PMEPA1: variants seen among roughly 807,000 people sequenced by gnomAD.
PMEPA1 encodes protein TMEPAI.
PMEPA1 carries 11 observed loss-of-function variants against 23.0 expected under a neutral mutation model. That is an observed-to-expected ratio of 0.48 (90% CI 0.30 to 0.79). The LOEUF is 0.79. Ranked by LOEUF, PMEPA1 falls within the 30% of genes least tolerant of loss-of-function variation. The probability of loss-of-function intolerance (pLI) is 0.06; values close to 1 mark genes in which losing one functional copy is unlikely to be tolerated. For missense variants in PMEPA1, 377 were observed against 390.9 expected (o/e 0.96, Z 0.30); for synonymous variants, 204 against 166.4 (o/e 1.23, Z -1.74).
chr20:57,683,299 C>T lies in PMEPA1; in HGVS notation c.110-23602G>A, dbSNP rs2071745609. On this transcript the variant is annotated intron_variant, in intron 1 of 3. Transcript: ENST00000341744. This position sits in a 1 kb window ranked among gnomAD's most constrained non-coding sequence, Gnocchi z 4.3. ...AGAGAGGCCAGTTTTTGGAGGGAAA[C>T]ATCAATACTGTTGCCATTCAGTTCT... Among the ~76,000 whole-genome samples the T allele has an allele frequency of 6.6e-6, 1 of 152,218 alleles. No homozygotes were observed. Among genetic ancestry groups the T allele is most frequent in the Non-Finnish European group, 1.5e-5 (1 of 68,042 alleles).
intron 1 of PMEPA1, among the ~76,000 whole-genome samples, chr20:57,700,955 G>A (rs927494198): frequency 5.9e-5 from 9 of 151,938 alleles, no homozygotes; most frequent in African/African-American, 7.3e-5. Context: ...ACTTGAACCC[G>A]GGAGGTAGAG....
At chr20:57,667,865 GC>G (rs2071516559) in intron 1 of PMEPA1, among the ~76,000 whole-genome samples, 1 of 151,206 alleles carries the variant, frequency 6.6e-6, no homozygotes, top group Non-Finnish European at 1.5e-5. Context: ...CCCCACCCCA[GC>G]CCCCCGAATT....
intron 1 of PMEPA1, among the ~76,000 whole-genome samples, chr20:57,698,771 C>T (rs1049404513): frequency 2.8e-4 from 43 of 152,246 alleles, no homozygotes; most frequent in African/African-American, 6.3e-4. Context: ...AAAGCTGTTC[C>T]GGACCTTGCA....
intron 1 of PMEPA1, among the ~76,000 whole-genome samples, chr20:57,667,951 G>C (rs907757477): frequency 6.6e-6 from 1 of 152,150 alleles, no homozygotes; most frequent in Admixed American, 6.5e-5. Context: ...CACCCCCGAC[G>C]GCATGTCTAT....
rs1027932316 is a variant in PMEPA1 at position 57,692,255 on chromosome 20, C to T, written c.109+17219G>A. On this transcript the variant is annotated intron_variant, in intron 1 of 3. Transcript: ENST00000341744. ...AAGAAACAGAGGCTCATAGAGGAGA[C>T]GCAACCCCGAGGACACTCTTACGTG... Among the ~76,000 whole-genome samples the T allele has an allele frequency of 2.6e-5, 4 of 152,308 alleles. No individual in the cohort carries two copies. In the South Asian group the frequency reaches 6.2e-4, roughly 24 times the overall value.
At position 57,709,819 on chromosome 20, in the gene PMEPA1, A is replaced by C; in HGVS notation, c.-237T>G. 1 of 976,272 alleles carries C rather than the reference A, an allele frequency of 1.0e-6. No individual in the cohort carries two copies. Among genetic ancestry groups the C allele is most frequent in the Non-Finnish European group, 1.2e-6 (1 of 825,926 alleles). The allele number at this position is 976,272 out of a possible 1,614,324, so 60.5% of individuals were successfully genotyped here. On this transcript the variant is annotated 5_prime_UTR_variant, in exon 1 of 4. Coordinates refer to ENST00000341744, the MANE Select transcript of PMEPA1 (RefSeq NM_020182.5). ...CCTCGGCAGCCCCGGGGGCGTCGGC[A>C]GTGCCCGCGGGTGGCGTCCGGAAAA...
At chr20:57,710,492 T>A, upstream of PMEPA1, 1 of 1,605,220 alleles carries the variant, frequency 6.2e-7, no homozygotes. Context: ...ACTGTCCGCC[T>A]TCAGTTCTCC....
Position 57,650,787 on chromosome 20 carries a change from G to C in PMEPA1, c.*1266C>G, listed in dbSNP as rs1361929041. 1.3e-5 allele frequency: 2 copies of C among 152,200 alleles called. No homozygotes were observed. Among genetic ancestry groups the C allele is most frequent in the African/African-American group, 4.8e-5 (2 of 41,426 alleles). 9.4% of individuals were successfully genotyped at this position (152,200 alleles called of 1,614,324 possible). A position where few individuals can be genotyped will look rare whatever the true frequency, so the allele number is the denominator to read the frequency against. Reference sequence around the variant, plus strand: ...TGGGTTGTTTATTGGCCTCTTAAGTGAGAATTGATCCGTGAAGGGAAACAG... The same window carrying C: ...TGGGTTGTTTATTGGCCTCTTAAGTCAGAATTGATCCGTGAAGGGAAACAG... On this transcript the variant is annotated 3_prime_UTR_variant, in exon 4 of 4. Transcript: ENST00000341744.
At chr20:57,676,357 C>T (rs2071636066) in intron 1 of PMEPA1, among the ~76,000 whole-genome samples, 1 of 152,196 alleles carries the variant, frequency 6.6e-6, no homozygotes, top group South Asian at 2.1e-4. Context: ...CTAGCTGGTA[C>T]ACAGCAAGTG....
At position 57,671,744 on chromosome 20, in the gene PMEPA1, C is replaced by T. The variant is rs537515912; in HGVS notation, c.110-12047G>A. Among the ~76,000 whole-genome samples, 74 of 152,340 alleles carry T rather than the reference C, an allele frequency of 4.9e-4. 1 individual carries two copies. The highest frequency in any genetic ancestry group is 8.5e-4 in the Admixed American group (13 of 15,302). On this transcript the variant is annotated intron_variant, in intron 1 of 3. Coordinates refer to ENST00000341744, the MANE Select transcript of PMEPA1 (RefSeq NM_020182.5). ...GGGGAAACTGAGCTTGGAGCTGGAT[C>T]ATCTCTATTGTGGGGCCGTCCTAAG...
At chr20:57,679,924 C>A (rs576890792) in intron 1 of PMEPA1, among the ~76,000 whole-genome samples, 5 of 152,322 alleles carry the variant, frequency 3.3e-5, no homozygotes, top group African/African-American at 1.2e-4. Context: ...AGACACAGAG[C>A]AACCGTGCAA....
chr20:57,687,003 G>A (rs1192858799), intron 1 of PMEPA1, among the ~76,000 whole-genome samples: 1 of 152,244 alleles, frequency 6.6e-6, no homozygotes, highest in Non-Finnish European at 1.5e-5. Flanking sequence ...CCCCATTTCT[G>A]TTTTTGGTTT....
Position 57,709,820 on chromosome 20 carries a change from G to GTGCC in PMEPA1, c.-242_-239dup. On this transcript the variant is annotated 5_prime_UTR_variant, in exon 1 of 4. Transcript: ENST00000341744. ...CTCGGCAGCCCCGGGGGCGTCGGCA[G>GTGCC]TGCCCGCGGGTGGCGTCCGGAAAAT... 3 of 982,632 alleles carry GTGCC rather than the reference G, an allele frequency of 3.1e-6. No individual in the cohort carries two copies. Among genetic ancestry groups the GTGCC allele is most frequent in the Middle Eastern group, 5.2e-4 (1 of 1,910 alleles). The allele number at this position is 982,632 out of a possible 1,614,324, so 60.9% of individuals were successfully genotyped here. A position where few individuals can be genotyped will look rare whatever the true frequency, so the allele number is the denominator to read the frequency against.
rs1399470387 is a variant in PMEPA1 at position 57,652,635 on chromosome 20, G to A, written c.319-37C>T. The A allele has an allele frequency of 2.8e-6, 4 of 1,424,910 alleles. No homozygotes were observed. Among genetic ancestry groups the A allele is most frequent in the African/African-American group, 1.4e-5 (1 of 69,334 alleles). The allele number at this position is 1,424,910 out of a possible 1,614,324, so 88.3% of individuals were successfully genotyped here. On this transcript the variant is annotated intron_variant, in intron 3 of 3. Transcript: ENST00000341744. This position sits in a 1 kb window ranked among gnomAD's most constrained non-coding sequence, Gnocchi z 6.1. ...AGAGCGGGAGTGAGGGAGGGCGGCT[G>A]TCTCAGGTGGGTTGTCCAGAAGCGA...
intron 1 of PMEPA1, among the ~76,000 whole-genome samples, chr20:57,680,495 A>T (rs538267625): frequency 3.3e-5 from 5 of 152,246 alleles, no homozygotes; most frequent in Non-Finnish European, 5.9e-5. Context: ...ACAGAAAAGA[A>T]TTATTGAGCC....
intron 1 of PMEPA1, among the ~76,000 whole-genome samples, chr20:57,664,939 A>C (rs1224979905): frequency 2.0e-5 from 3 of 152,160 alleles, no homozygotes; most frequent in Non-Finnish European, 4.4e-5. Context: ...CAGTTTCCCT[A>C]ATCTGACAGA....
At chr20:57,691,284 G>C (rs1449393768) in intron 1 of PMEPA1, among the ~76,000 whole-genome samples, 1 of 152,182 alleles carries the variant, frequency 6.6e-6, no homozygotes, top group Admixed American at 6.5e-5. Flanking sequence ...CCAGCCTTCT[G>C]GTGTCCCCTC....
At chr20:57,709,446 C>T in intron 1 of PMEPA1, 28 bp downstream of exon 1, 1 of 1,093,196 alleles carries the variant, frequency 9.1e-7, no homozygotes. Context: ...GATGGAGTCT[C>T]CGGGGAGGGG....
chr20:57,677,244 C>T (rs1201738332), intron 1 of PMEPA1, among the ~76,000 whole-genome samples: 1 of 152,218 alleles, frequency 6.6e-6, no homozygotes. Context: ...TGTGTCTCCA[C>T]TTCCTTGTCT....
Sources: gnomAD v4.1 joint callset for allele counts (sites outside exome capture counted in the v4.1 genomes callset) on GRCh38, gnomAD v4.1.1 for gene constraint, Gnocchi (gnomAD v3.1) non-coding constraint, MANE v1.5 for transcripts, NCBI Gene and HGNC (gene_info 2026-07-23, HGNC 2026-07-21) for gene names.